The following HEXIM2 variants were observed in gnomAD, a reference collection of about 807,000 sequenced individuals.
The protein encoded by HEXIM2 is protein HEXIM2.
For synonymous variants in HEXIM2, 159 were observed against 162.7 expected (o/e 0.98, Z 0.17); for missense variants, 413 against 390.8 (o/e 1.06, Z -0.48).
At chr17:45,162,272 G>A (rs2042719100) in intron 1 of HEXIM2, among the ~76,000 whole-genome samples, 1 of 152,192 alleles carries the variant, frequency 6.6e-6, no homozygotes. Context: ...GCCCAGCTTG[G>A]GGAGAAGGTT....
rs773909874 is a variant in HEXIM2, at chr17:45,162,744, A to G, written c.-44-6A>G. 9.3e-6 allele frequency: 15 copies of G among 1,613,110 alleles called. No homozygotes were observed. The highest frequency in any genetic ancestry group is 4.5e-5 in the East Asian group (2 of 44,874). On this transcript the variant is annotated splice_polypyrimidine_tract_variant and splice_region_variant and intron_variant, in intron 2 of 3. Transcript: ENST00000589230. ...GGATTTAGGTTTCTGTTGTTGTTCA[A>G]AGCAGGTGTCACTAGTTCCAGGCGT... is the stretch of plus-strand genomic sequence containing the variant.
At chr17:45,161,762 C>A, upstream of HEXIM2, 1 of 915,318 alleles carries the variant, frequency 1.1e-6, no homozygotes, top group Non-Finnish European at 1.3e-6. Flanking sequence ...TGCCCCCGCG[C>A]AAGGGTAGAT....
intron 3 of HEXIM2, among the ~76,000 whole-genome samples, chr17:45,164,936 A>G (rs2042798897): frequency 6.6e-6 from 1 of 152,128 alleles, no homozygotes; most frequent in South Asian, 2.1e-4. Context: ...CAGGGCTACA[A>G]TGTTCAGCCA....
At position 45,169,268 on chromosome 17, in the gene HEXIM2, A is replaced by G. The variant is rs2042955915; in HGVS notation, c.320A>G (p.Glu107Gly). The change falls in exon 4 of 4, where the codon GAG becomes GGG. Residue 107 changes from glutamate to glycine, a missense_variant. Glu to Gly is a moderately conservative substitution (Grantham distance 98). Transcript: ENST00000589230. ...KRKRHWRPYLELSWAEKQQRD... is the reference protein window; with the variant it reads ...KRKRHWRPYLGLSWAEKQQRD... The stretch of plus-strand genomic sequence containing the variant: ...AAAAGGCACTGGCGACCCTACCTGG[A>G]GCTGAGCTGGGCTGAGAAACAACAG... 1 of 1,613,806 alleles carries G rather than the reference A, an allele frequency of 6.2e-7. No individual in the cohort carries two copies. Among genetic ancestry groups the G allele is most frequent in the African/African-American group, 1.3e-5 (1 of 75,032 alleles).
chr17:45,161,110 C>T (rs558498286), upstream of HEXIM2: 3 of 471,484 alleles, frequency 6.4e-6, no homozygotes, highest in East Asian at 7.0e-5. Flanking sequence ...TGCGGGGCCT[C>T]GCCGCCATAC....
rs1169468708 is a variant in HEXIM2, at chr17:45,169,043, C to T, written c.95C>T (p.Thr32Ile). The T allele has an allele frequency of 6.8e-6, 11 of 1,612,512 alleles. No homozygotes were observed. The highest frequency in any genetic ancestry group is 1.3e-5 in the African/African-American group (1 of 74,908). ...KTSGAPGSPQ[T>I]PPERHDSGGS... ...TCTGGTGCCCCGGGGAGCCCCCAAA[C>T]ACCCCCTGAGCGTCATGACTCTGGT... The change falls in exon 4 of 4, where the codon ACA becomes ATA. Residue 32 changes from threonine (T) to isoleucine (I), a missense_variant. By Grantham distance (89) the Thr-to-Ile change is moderately conservative. Coordinates refer to ENST00000589230, the MANE Select transcript of HEXIM2 (RefSeq NM_001303441.2).
chr17:45,162,843 C>T lies in HEXIM2; in HGVS notation c.50C>T (p.Ala17Val). Reference protein sequence around the residue: ...QTACNAESPVALEEAKTSGAP... With the variant: ...QTACNAESPVVLEEAKTSGAP... Reference sequence around the variant, plus strand: ...GCCTGTAATGCAGAGTCACCAGTGGCCCTGGAGGAGGCCAAGGTAAGTCCC... The same window carrying T: ...GCCTGTAATGCAGAGTCACCAGTGGTCCTGGAGGAGGCCAAGGTAAGTCCC... Residue 17 changes from alanine to valine, a missense_variant, in exon 3 of 4, where the codon GCC (alanine) becomes GTC (valine). Ala to Val is a moderately conservative substitution (Grantham distance 64). Coordinates refer to ENST00000589230, the MANE Select transcript of HEXIM2 (RefSeq NM_001303441.2). 2.5e-6 allele frequency: 4 copies of T among 1,613,108 alleles called. No homozygotes were observed. Among genetic ancestry groups the T allele is most frequent in the Non-Finnish European group, 3.4e-6 (4 of 1,179,594 alleles).
At position 45,162,946 on chromosome 17, in the gene HEXIM2, T is replaced by C. The variant is rs1030734575; in HGVS notation, c.66+87T>C. On this transcript the variant is annotated intron_variant, in intron 3 of 3. Transcript: ENST00000589230. The stretch of plus-strand genomic sequence containing the variant: ...AAACTTCTTGTCCCAGATGTGTTGG[T>C]AGATTTGGAAAACCAGTATTTTGAC... The C allele has an allele frequency of 4.4e-6, 4 of 915,408 alleles. No individual in the cohort carries two copies. The African/African-American group carries it at 4.9e-5, about 11-fold the overall frequency. The allele number at this position is 915,408 out of a possible 1,614,324, so 56.7% of individuals were successfully genotyped here.
chr17:45,169,560 C>T lies in HEXIM2; in HGVS notation c.612C>T (p.Ser204=), dbSNP rs1196224768. ...SETYERFHTE[S]LQGRSKQELV... is the part of the protein sequence containing the mutation. Reference sequence around the variant, plus strand: ...CTTACGAACGCTTCCACACCGAGAGCCTGCAGGGCCGCAGCAAGCAGGAGC... The same window carrying T: ...CTTACGAACGCTTCCACACCGAGAGTCTGCAGGGCCGCAGCAAGCAGGAGC... The change falls in exon 4 of 4, where the codon AGC becomes AGT. Residue 204 remains serine, a synonymous_variant. Coordinates refer to ENST00000589230, the MANE Select transcript of HEXIM2 (RefSeq NM_001303441.2). The T allele has an allele frequency of 5.8e-6, 9 of 1,558,402 alleles. No individual in the cohort carries two copies. The highest frequency in any genetic ancestry group is 7.8e-6 in the Non-Finnish European group (9 of 1,152,122).
chr17:45,160,459 A>G (rs1001954280), upstream of HEXIM2, among the ~76,000 whole-genome samples: 1 of 152,134 alleles, frequency 6.6e-6, no homozygotes, highest in Non-Finnish European at 1.5e-5. Flanking sequence ...TCTTACAAAG[A>G]TTACATTGGA....
At chr17:45,164,982 G>A (rs1180736819) in intron 3 of HEXIM2, among the ~76,000 whole-genome samples, 2 of 152,194 alleles carry the variant, frequency 1.3e-5, no homozygotes, top group Non-Finnish European at 2.9e-5. Context: ...GGTCATGGTG[G>A]TAGAGGGCCA....
chr17:45,167,292 C>T (rs1016733546), intron 3 of HEXIM2, among the ~76,000 whole-genome samples: 1 of 152,008 alleles, frequency 6.6e-6, no homozygotes, highest in Non-Finnish European at 1.5e-5. Context: ...CAACACTGCA[C>T]TCCAGCCTGG....
At position 45,169,660 on chromosome 17, in the gene HEXIM2, C is replaced by T; in HGVS notation, c.712C>T (p.Gln238Ter). ...EEETRRLQQL[Q>*]ACTGQQSCRQ... ...GGAGACTAGGAGGCTGCAGCAGCTG[C>T]AGGCGTGCACCGGCCAGCAGTCCTG... Residue 238 changes from glutamine (Q) to a stop codon, truncating the protein, a stop_gained, in exon 4 of 4, where the codon CAG becomes TAG. Transcript: ENST00000589230. LOFTEE classifies it low-confidence loss of function (END_TRUNC). 2 of 1,532,794 alleles carry T rather than the reference C, an allele frequency of 1.3e-6. No homozygotes were observed. The highest frequency in any genetic ancestry group is 1.8e-6 in the Non-Finnish European group (2 of 1,136,532). The allele number at this position is 1,532,794 out of a possible 1,614,324, so 94.9% of individuals were successfully genotyped here.
intron 3 of HEXIM2, among the ~76,000 whole-genome samples, chr17:45,163,735 G>A (rs1043055650): frequency 1.3e-5 from 2 of 151,844 alleles, no homozygotes; most frequent in Non-Finnish European, 2.9e-5. Flanking sequence ...TGTAATACCA[G>A]CTACTCAGGA....
At chr17:45,162,988 C>T (rs1044638481) in intron 3 of HEXIM2, 129 bp downstream of exon 3, 12 of 661,622 alleles carry the variant, frequency 1.8e-5, no homozygotes, top group Non-Finnish European at 3.2e-5. Flanking sequence ...GTACTATGCA[C>T]TAGGCAATAG....
intron 3 of HEXIM2, among the ~76,000 whole-genome samples, chr17:45,164,736 C>T (rs909919355): frequency 1.3e-5 from 2 of 152,192 alleles, no homozygotes; most frequent in Non-Finnish European, 2.9e-5. Context: ...CACTTCCCAA[C>T]CTGGCAACAG....
In HEXIM2 at chr17:45,169,806, C is replaced by T. The variant is rs765469888; in HGVS notation, c.858C>T (p.Thr286=). 3.5e-6 allele frequency: 5 copies of T among 1,435,638 alleles called. No individual in the cohort carries two copies. The South Asian group carries it at 5.9e-5, about 17-fold the overall frequency. The allele number at this position is 1,435,638 out of a possible 1,614,324, so 88.9% of individuals were successfully genotyped here. A position where few individuals can be genotyped will look rare whatever the true frequency, so the allele number is the denominator to read the frequency against. ...GCCGCTGTGATGAGGAGCCGGGTAC[C>T]TAGGGGTGCCTCCCAGCCTGGTGGA... ...EGCRCDEEPG[T] is the part of the protein sequence containing the mutation. The change falls in exon 4 of 4, where the codon ACC becomes ACT. Residue 286 remains threonine (T), a synonymous_variant. Transcript: ENST00000589230.
At position 45,169,028 on chromosome 17, in the gene HEXIM2, C is replaced by CG. The variant is rs760300422; in HGVS notation, c.84dup (p.Ser29GlufsTer7). 3.7e-6 allele frequency: 6 copies of CG among 1,609,734 alleles called. No individual in the cohort carries two copies. In the African/African-American group the frequency reaches 6.7e-5, roughly 18 times the overall value. On this transcript the variant is annotated frameshift_variant, in exon 4 of 4. Coordinates refer to ENST00000589230, the MANE Select transcript of HEXIM2 (RefSeq NM_001303441.2). LOFTEE classifies it low-confidence loss of function (END_TRUNC). ...CCCTCTCTTTAGACCTCTGGTGCCC[C>CG]GGGGAGCCCCCAAACACCCCCTGAG...
At chr17:45,168,907 A>C (rs1468312723) in intron 3 of HEXIM2, 108 bp from the exon 4 acceptor site, 6 of 1,067,478 alleles carry the variant, frequency 5.6e-6, no homozygotes, top group Non-Finnish European at 6.8e-6. Flanking sequence ...AGAGTGACCA[A>C]GTTAGCTGAG....
Sources: gnomAD v4.1 joint callset for allele counts (sites outside exome capture counted in the v4.1 genomes callset) on GRCh38, gnomAD v4.1.1 for gene constraint, MANE v1.5 for transcripts, NCBI Gene and HGNC (gene_info 2026-07-23, HGNC 2026-07-21) for gene names.